Variants in PER2 observed in about 807,000 individuals in gnomAD.
PER2 encodes period circadian protein homolog 2.
In PER2, 66 loss-of-function variants were observed where a neutral mutation model predicts 121.0. That is an observed-to-expected ratio of 0.55 (90% CI 0.45 to 0.67). PER2 has a LOEUF of 0.67. Ranked by LOEUF, PER2 falls within the 30% of genes least tolerant of loss-of-function variation. The pLI is 0.00. For synonymous variants in PER2, 684 were observed against 659.9 expected (o/e 1.04, Z -0.56); for missense variants, 1,521 against 1,635.0 (o/e 0.93, Z 1.20).
At chr2:238,262,122 G>T in intron 11 of PER2, 69 bp downstream of exon 11, 1 of 1,427,390 alleles carries the variant, frequency 7.0e-7, no homozygotes, top group South Asian at 1.1e-5. Flanking sequence ...ATCTGTTGCT[G>T]GGAGGTGAGG....
intron 22 of PER2, among the ~76,000 whole-genome samples, chr2:238,248,124 G>A (rs920458260): frequency 2.0e-5 from 3 of 152,246 alleles, no homozygotes; most frequent in Non-Finnish European, 4.4e-5. Context: ...GTGGGCAGAA[G>A]AGGAAGAGCC....
chr2:238,268,949 C>T lies in PER2; in HGVS notation c.798G>A (p.Glu266=), dbSNP rs757290576. 1.2e-6 allele frequency: 2 copies of T among 1,612,820 alleles called. No individual in the cohort carries two copies. Among genetic ancestry groups the T allele is most frequent in the Non-Finnish European group, 1.7e-6 (2 of 1,178,872 alleles). The part of the protein sequence containing the change: ...GADSFTQECM[E]EKSFFCRVSV... ...TGACACGGCAAAAGAAAGATTTCTC[C>T]TCCATGCATTCTTGAGTAAAAGAAT... is the stretch of plus-strand genomic sequence containing the variant. The change falls in exon 7 of 23, where the codon GAG becomes GAA. Residue 266 remains glutamate (E), a synonymous_variant. Coordinates refer to ENST00000254657, the MANE Select transcript of PER2 (RefSeq NM_022817.3). This position sits in a 1 kb window ranked among gnomAD's most constrained non-coding sequence, Gnocchi z 4.0.
chr2:238,299,051 A>C, the PER2 span: 2 of 152,346 alleles, frequency 1.3e-5, no homozygotes, highest in East Asian at 3.9e-4. Flanking sequence ...CAGAGGGATT[A>C]CCTGAGGTCA....
At chr2:238,295,883 C>A in the PER2 span, 1 of 211,396 alleles carries the variant, frequency 4.7e-6, no homozygotes, top group Non-Finnish European at 9.7e-6. Flanking sequence ...CTCCCTCTGG[C>A]CCTGCTGCCA....
At chr2:238,277,318 A>G in intron 2 of PER2, 125 bp from the exon 3 acceptor site, 1 of 775,682 alleles carries the variant, frequency 1.3e-6, no homozygotes, top group Non-Finnish European at 2.3e-6. Flanking sequence ...TTAAAAATAC[A>G]AGGTTAAGAT....
intron 1 of PER2, among the ~76,000 whole-genome samples, chr2:238,280,016 GAGA>G (rs1446661375): frequency 6.6e-6 from 1 of 152,224 alleles, no homozygotes. Context: ...GAAGCTGTGG[GAGA>G]AGAACGGACA....
chr2:238,289,519 G>T (rs1250017466), upstream of PER2: 1 of 152,244 alleles, frequency 6.6e-6, no homozygotes, highest in Non-Finnish European at 1.5e-5. Flanking sequence ...AGGTACAAAA[G>T]AAAGAAATGA....
chr2:238,255,681 A>C lies in PER2; in HGVS notation c.2296T>G (p.Ser766Ala). 1.2e-6 allele frequency: 2 copies of C among 1,614,260 alleles called. No individual in the cohort carries two copies. Among genetic ancestry groups the C allele is most frequent in the Non-Finnish European group, 1.7e-6 (2 of 1,180,034 alleles). Residue 766 changes from serine (S) to alanine (A), a missense_variant, in exon 18 of 23, where the codon TCC (serine) becomes GCC (alanine). Coordinates refer to ENST00000254657, the MANE Select transcript of PER2 (RefSeq NM_022817.3). ...CTTCGTTCACTTGGCTGCCCCTTGG[A>C]TCTTTCTTGCAAGTAGTAATGGCAG... ...SHCHYYLQER[S>A]KGQPSERTAP...
rs1028383991 is a variant in PER2, at chr2:238,258,719, C to T, written c.1628-75G>A. On this transcript the variant is annotated intron_variant, in intron 14 of 22. Transcript: ENST00000254657. ...ACGCTGTGTATTTACAAAGCATTTT[C>T]GTTCTACCTGAAGACAGGGCTGGGG... 1.4e-4 allele frequency: 211 copies of T among 1,464,922 alleles called. 1 individual carries two copies. In the South Asian group the frequency reaches 1.9e-3, roughly 13 times the overall value. The allele number at this position is 1,464,922 out of a possible 1,614,324, so 90.7% of individuals were successfully genotyped here. A position where few individuals can be genotyped will look rare whatever the true frequency, so the allele number is the denominator to read the frequency against.
intron 1 of PER2, among the ~76,000 whole-genome samples, chr2:238,279,221 A>C (rs1696554148): frequency 1.3e-5 from 2 of 152,152 alleles, no homozygotes; most frequent in South Asian, 4.1e-4. Context: ...AGAGAGCCAG[A>C]TGAAGGCCCT....
chr2:238,289,456 G>T (rs1469598243), upstream of PER2: 6 of 152,204 alleles, frequency 3.9e-5, no homozygotes, highest in Admixed American at 3.9e-4. Flanking sequence ...TTATTTTTGA[G>T]ACCACGTGTT....
chr2:238,292,005 CAAG>C (rs1696958629), upstream of PER2, among the ~76,000 whole-genome samples: 1 of 152,170 alleles, frequency 6.6e-6, no homozygotes, highest in African/African-American at 2.4e-5. Context: ...CTACAAAAAA[CAAG>C]AAAGCCAGGC....
intron 18 of PER2, 176 bp downstream of exon 18, chr2:238,255,481 C>T (rs1559324564): frequency 5.6e-6 from 4 of 711,138 alleles, no homozygotes; most frequent in Middle Eastern, 3.8e-4. Context: ...CGAGAGCACC[C>T]CCCCGGTGGG....
chr2:238,277,325 A>G, intron 2 of PER2, 132 bp from the exon 3 acceptor site: 1 of 753,346 alleles, frequency 1.3e-6, no homozygotes, highest in Non-Finnish European at 2.4e-6. Context: ...TACAAGGTTA[A>G]GATAAAACTG....
rs1056819624 is a variant in PER2 at position 238,253,726 on chromosome 2, G to A, written c.2321-24C>T. On this transcript the variant is annotated intron_variant, in intron 18 of 22. Transcript: ENST00000254657. This position sits in a 1 kb window ranked among gnomAD's most constrained non-coding sequence, Gnocchi z 5.6. ...AGCTAATGCAGAAAAACAAATACTC[G>A]GAGTTAAAATTTTAACTCCAAATTT... The A allele has an allele frequency of 2.5e-5, 39 of 1,555,014 alleles. No homozygotes were observed. The highest frequency in any genetic ancestry group is 1.8e-4 in the Middle Eastern group (1 of 5,570).
At chr2:238,272,085 CT>C (rs1334881065) in intron 5 of PER2, among the ~76,000 whole-genome samples, 1 of 152,232 alleles carries the variant, frequency 6.6e-6, no homozygotes, top group African/African-American at 2.4e-5. Flanking sequence ...TAAAGAAAAC[CT>C]GTCTTTGACT....
Position 238,250,625 on chromosome 2 carries a change from G to C in PER2, c.3393C>G (p.Val1131=), listed in dbSNP as rs1391562079. Residue 1131 remains valine (V), a synonymous_variant, in exon 21 of 23, where the codon GTC becomes GTG. Coordinates refer to ENST00000254657, the MANE Select transcript of PER2 (RefSeq NM_022817.3). ...MEESEHFIKC[V]LQDPIWLLMA... is the part of the protein sequence containing the mutation. ...TCAGCAGCCAGATGGGATCCTGCAG[G>C]ACGCACTTAATGAAATGCTCACTTT... 1 of 1,613,924 alleles carries C rather than the reference G, an allele frequency of 6.2e-7. No individual in the cohort carries two copies. Among genetic ancestry groups the C allele is most frequent in the South Asian group, 1.1e-5 (1 of 91,082 alleles).
chr2:238,275,713 G>A (rs1696431251), intron 4 of PER2, 30 bp downstream of exon 4: 1 of 1,606,018 alleles, frequency 6.2e-7, no homozygotes, highest in African/African-American at 1.3e-5. Flanking sequence ...ATTTCTATAG[G>A]TTTGGAGCAG....
At chr2:238,277,673 G>A (rs1423249736) in intron 2 of PER2, 34 bp downstream of exon 2, 1 of 1,612,150 alleles carries the variant, frequency 6.2e-7, no homozygotes, top group African/African-American at 1.3e-5. Context: ...AAAACAACCT[G>A]CCCAGCCTCC....
Sources: allele counts gnomAD v4.1 joint callset (sites outside exome capture counted in the v4.1 genomes callset), GRCh38; gene constraint gnomAD v4.1.1; non-coding constraint Gnocchi (gnomAD v3.1); transcripts MANE v1.5; gene names NCBI Gene and HGNC (gene_info 2026-07-23, HGNC 2026-07-21).